Variants in USP32 observed in about 807,000 individuals in gnomAD.
The protein encoded by USP32 is ubiquitin specific peptidase 32.
USP32 carries 59 observed loss-of-function variants against 204.8 expected under a neutral mutation model. The ratio of observed to expected loss-of-function variants is 0.29; its 90% CI spans 0.23 to 0.36. The LOEUF is 0.36. Among genes scored for constraint, USP32 ranks in the 10% least tolerant of loss-of-function variants. The pLI, the probability that USP32 is intolerant of heterozygous loss-of-function variation, is 1.00. For missense variants in USP32, 1,160 were observed against 1,946.4 expected (o/e 0.60, Z 7.60); for synonymous variants, 517 against 678.4 (o/e 0.76, Z 3.70).
chr17:60,357,746 A>G (rs1431016082), intron 1 of USP32, among the ~76,000 whole-genome samples: 1 of 152,044 alleles, frequency 6.6e-6, no homozygotes, highest in Non-Finnish European at 1.5e-5. Context: ...AAGAGTATTC[A>G]TATTCTCAAG....
chr17:60,262,965 T>C (rs75953561), intron 9 of USP32, among the ~76,000 whole-genome samples: 1 of 152,032 alleles, frequency 6.6e-6, no homozygotes, highest in Non-Finnish European at 1.5e-5. Flanking sequence ...TTTTTTTTTT[T>C]CCAGACAAGT....
intron 2 of USP32, among the ~76,000 whole-genome samples, chr17:60,312,106 A>G (rs1316329615): frequency 6.6e-6 from 1 of 152,358 alleles, no homozygotes; most frequent in Middle Eastern, 3.4e-3. Context: ...CCTTAGTTGC[A>G]GTCCATGACA....
chr17:60,184,827 AAAC>A (rs1288507512), intron 30 of USP32, among the ~76,000 whole-genome samples: 2 of 151,918 alleles, frequency 1.3e-5, no homozygotes, highest in African/African-American at 4.8e-5. Flanking sequence ...AAAAAAAAAA[AAAC>A]ATATAAATAT....
chr17:60,179,960 G>A (rs1384846560), intron 33 of USP32, among the ~76,000 whole-genome samples: 1 of 152,010 alleles, frequency 6.6e-6, no homozygotes, highest in African/African-American at 2.4e-5. Context: ...GTGAGCCACC[G>A]TGTTCGGCCC....
rs1325113415 is a variant in USP32 at position 60,223,394 on chromosome 17, G to A, written c.1608+17C>T. On this transcript the variant is annotated intron_variant, in intron 14 of 33. Coordinates refer to ENST00000300896, the MANE Select transcript of USP32 (RefSeq NM_032582.4). Reference sequence around the variant, plus strand: ...TTGCAAGAGAATAATTTTAAGTTTAGATGTAAAATTACTTACCTTTACTGG... The same window carrying A: ...TTGCAAGAGAATAATTTTAAGTTTAAATGTAAAATTACTTACCTTTACTGG... 1 of 1,589,126 alleles carries A rather than the reference G, an allele frequency of 6.3e-7. No individual in the cohort carries two copies. The highest frequency in any genetic ancestry group is 8.6e-7 in the Non-Finnish European group (1 of 1,167,636).
At position 60,178,336 on chromosome 17, in the gene USP32, T is replaced by C. The variant is rs1304368853; in HGVS notation, c.*919A>G. Among the ~76,000 whole-genome samples the C allele has an allele frequency of 6.6e-6, 1 of 152,208 alleles. No individual in the cohort carries two copies. The highest frequency in any genetic ancestry group is 1.5e-5 in the Non-Finnish European group (1 of 68,034). On this transcript the variant is annotated 3_prime_UTR_variant, in exon 34 of 34. Transcript: ENST00000300896. The stretch of plus-strand genomic sequence containing the variant: ...CACTAATTGTGAAACGTGATCTAGC[T>C]CCAATGCCACTTACCTTCCCAGAAG...
intron 5 of USP32, among the ~76,000 whole-genome samples, chr17:60,274,333 A>G (rs1253713413): frequency 1.3e-5 from 2 of 152,202 alleles, no homozygotes; most frequent in African/African-American, 2.4e-5. Flanking sequence ...TCAAACATAC[A>G]TACAATTGGG....
At chr17:60,185,302 C>A (rs978636416) in intron 30 of USP32, among the ~76,000 whole-genome samples, 158 bp downstream of exon 30, 1 of 152,238 alleles carries the variant, frequency 6.6e-6, no homozygotes, top group African/African-American at 2.4e-5. Context: ...TAGAAAGATT[C>A]ATCTCTGTAT....
intron 2 of USP32, among the ~76,000 whole-genome samples, chr17:60,313,688 A>G (rs2087907271): frequency 6.6e-6 from 1 of 152,116 alleles, no homozygotes; most frequent in Admixed American, 6.6e-5. Context: ...AGAGACCCCA[A>G]GAGTTAATCC....
chr17:60,205,852 C>T (rs2084812715), intron 25 of USP32, among the ~76,000 whole-genome samples, 194 bp from the exon 26 acceptor site: 1 of 152,078 alleles, frequency 6.6e-6, no homozygotes, highest in African/African-American at 2.4e-5. Flanking sequence ...ACACTTTTGG[C>T]CAAATGAAAA....
chr17:60,349,626 A>ATTATATATATATATATATAT (rs1555618284), intron 1 of USP32, among the ~76,000 whole-genome samples: 1 of 76,278 alleles, frequency 1.3e-5, no homozygotes, highest in East Asian at 3.5e-4. Context: ...TATATATATT[A>ATTATATATATATATATATAT]TATATATATA....
intron 5 of USP32, among the ~76,000 whole-genome samples, chr17:60,286,485 G>T (rs543290423): frequency 2.0e-5 from 3 of 152,168 alleles, no homozygotes; most frequent in Non-Finnish European, 4.4e-5. Flanking sequence ...AAAAATGGAA[G>T]AGGCAAGGAA....
intron 2 of USP32, among the ~76,000 whole-genome samples, chr17:60,343,760 G>A (rs2088715527): frequency 6.6e-6 from 1 of 152,196 alleles, no homozygotes; most frequent in African/African-American, 2.4e-5. Flanking sequence ...GGCCAGGCAT[G>A]GTGGCTCACG....
intron 1 of USP32, among the ~76,000 whole-genome samples, chr17:60,360,585 G>C (rs528629237): frequency 6.6e-6 from 1 of 151,444 alleles, no homozygotes; most frequent in African/African-American, 2.4e-5. Flanking sequence ...CTTGAGCCTG[G>C]AGGTGGAGGT....
chr17:60,256,075 G>A (rs2086294621), intron 9 of USP32, among the ~76,000 whole-genome samples: 1 of 152,064 alleles, frequency 6.6e-6, no homozygotes, highest in Non-Finnish European at 1.5e-5. Flanking sequence ...ATGGTGGCAT[G>A]TGCCTGTAGT....
chr17:60,303,878 A>G (rs1466819190), intron 2 of USP32, among the ~76,000 whole-genome samples: 1 of 152,160 alleles, frequency 6.6e-6, no homozygotes, highest in African/African-American at 2.4e-5. Flanking sequence ...AAATGTGAGG[A>G]GAGCGGGCAG....
At chr17:60,284,534 T>C (rs1265699888) in intron 5 of USP32, among the ~76,000 whole-genome samples, 1 of 152,166 alleles carries the variant, frequency 6.6e-6, no homozygotes, top group East Asian at 1.9e-4. Context: ...TCAAGATTTC[T>C]TAAGGCAAAA....
At chr17:60,338,430 G>A (rs1284959471) in intron 2 of USP32, among the ~76,000 whole-genome samples, 4 of 151,952 alleles carry the variant, frequency 2.6e-5, no homozygotes, top group African/African-American at 9.7e-5. Flanking sequence ...AAAAACACTA[G>A]ACAATTCAGA....
chr17:60,404,479 T>C (rs1026903884), intron 1 of USP32, among the ~76,000 whole-genome samples: 1 of 152,198 alleles, frequency 6.6e-6, no homozygotes, highest in Non-Finnish European at 1.5e-5. Flanking sequence ...TAGTTCCTCC[T>C]TTGCCCAGAT....
Sources: gnomAD v4.1 joint callset for allele counts (sites outside exome capture counted in the v4.1 genomes callset) on GRCh38, gnomAD v4.1.1 for gene constraint, MANE v1.5 for transcripts, NCBI Gene and HGNC (gene_info 2026-07-23, HGNC 2026-07-21) for gene names.